Variants in SDR16C5 observed in about 807,000 individuals in gnomAD.
SDR16C5 encodes short chain dehydrogenase/reductase family 16C member 5.
SDR16C5 carries 20 observed loss-of-function variants against 27.7 expected under a neutral mutation model. That is an observed-to-expected ratio of 0.72 (90% CI 0.51 to 1.05). The LOEUF is 1.05. SDR16C5 is among the 50% of genes least tolerant of loss of function. The probability of loss-of-function intolerance (pLI) is 0.00; values close to 1 mark genes in which losing one functional copy is unlikely to be tolerated. For missense variants in SDR16C5, 374 were observed against 366.3 expected, an observed-to-expected ratio of 1.02 and a Z score of -0.17; for synonymous variants, 139 against 132.3, an observed-to-expected ratio of 1.05 and a Z score of -0.35.
chr8:56,316,887 A>G (rs1282205262), intron 1 of SDR16C5, among the ~76,000 whole-genome samples: 2 of 152,200 alleles, frequency 1.3e-5, no homozygotes, highest in Non-Finnish European at 1.5e-5. Context: ...GAAAATGTAA[A>G]GTCCTATTTG....
At chr8:56,312,998 G>A (rs1315550327) in intron 2 of SDR16C5, among the ~76,000 whole-genome samples, 6 of 151,990 alleles carry the variant, frequency 3.9e-5, no homozygotes, top group Non-Finnish European at 7.4e-5. Context: ...GGATGGTCTC[G>A]ATCTCCTGAC....
chr8:56,315,887 A>T (rs1038554794), intron 2 of SDR16C5, 128 bp downstream of exon 2: 2 of 681,436 alleles, frequency 2.9e-6, no homozygotes, highest in African/African-American at 3.6e-5. Context: ...AAAAATCCCA[A>T]TTCCCATTCT....
At position 56,309,009 on chromosome 8, in the gene SDR16C5, G is replaced by A. The variant is rs1264235333; in HGVS notation, c.484C>T (p.Pro162Ser). The change falls in exon 4 of 7, where the codon CCT becomes TCT. Residue 162 changes from proline to serine, a missense_variant. Physicochemically the swap from Pro to Ser is moderately conservative, Grantham distance 74. Transcript: ENST00000303749. ...AHLWTYKAFL[P>S]AMIANDHGHL... ...CCATGGTCATTAGCAATCATAGCAG[G>A]TAGAAAGGCTTTATAAGTCTAAGAA... 1 of 1,609,408 alleles carries A rather than the reference G, an allele frequency of 6.2e-7. No homozygotes were observed. Among genetic ancestry groups the A allele is most frequent in the African/African-American group, 1.3e-5 (1 of 74,830 alleles).
Position 56,308,912 on chromosome 8 carries a change from G to A in SDR16C5, c.565+16C>T. 6.3e-7 allele frequency: 1 copy of A among 1,578,540 alleles called. No individual in the cohort carries two copies. The highest frequency in any genetic ancestry group is 2.2e-5 in the East Asian group (1 of 44,534). On this transcript the variant is annotated intron_variant, in intron 4 of 6. Transcript: ENST00000303749. Reference sequence around the variant, plus strand: ...ATAGGGAATTTTGCAATTGTAAATTGCTATGTTTTTCTTACCTGCCAGCCC... The same window carrying A: ...ATAGGGAATTTTGCAATTGTAAATTACTATGTTTTTCTTACCTGCCAGCCC...
At chr8:56,314,079 C>T (rs767363329) in intron 2 of SDR16C5, among the ~76,000 whole-genome samples, 1 of 152,068 alleles carries the variant, frequency 6.6e-6, no homozygotes, top group Non-Finnish European at 1.5e-5. Flanking sequence ...TGGTAGCGTG[C>T]ACCTGTAGTC....
chr8:56,305,550 A>C, intron 6 of SDR16C5, 47 bp downstream of exon 6: 1 of 1,512,672 alleles, frequency 6.6e-7, no homozygotes, highest in Non-Finnish European at 8.8e-7. Flanking sequence ...TTTGGAGTAA[A>C]CTGTAGACTG....
chr8:56,301,420 C>T lies in SDR16C5; in HGVS notation c.*60G>A, dbSNP rs1427417495. ...ACTGTCAGACAAAAATACTTTTCTTCATTGAAGTACGCATTATGTAACACT... is the reference window on the plus strand; with the variant it reads ...ACTGTCAGACAAAAATACTTTTCTTTATTGAAGTACGCATTATGTAACACT... On this transcript the variant is annotated 3_prime_UTR_variant, in exon 7 of 7. Coordinates refer to ENST00000303749, the MANE Select transcript of SDR16C5 (RefSeq NM_138969.4). The T allele has an allele frequency of 6.5e-5, 76 of 1,172,568 alleles. No homozygotes were observed. Among genetic ancestry groups the T allele is most frequent in the Non-Finnish European group, 5.6e-5 (44 of 780,422 alleles). The allele number at this position is 1,172,568 out of a possible 1,614,324, so 72.6% of individuals were successfully genotyped here. A position where few individuals can be genotyped will look rare whatever the true frequency, so the allele number is the denominator to read the frequency against.
chr8:56,318,526 G>A (rs906171313), intron 1 of SDR16C5, among the ~76,000 whole-genome samples: 1 of 152,056 alleles, frequency 6.6e-6, no homozygotes, highest in Non-Finnish European at 1.5e-5. Flanking sequence ...CGCCAACTTT[G>A]GAAAATCCAC....
At chr8:56,316,499 C>T (rs903906152) in intron 1 of SDR16C5, 138 bp from the exon 2 acceptor site, 1 of 625,242 alleles carries the variant, frequency 1.6e-6, no homozygotes, top group Non-Finnish European at 2.8e-6. Context: ...GTAGCAGACT[C>T]TGTATTCAGA....
intron 4 of SDR16C5, among the ~76,000 whole-genome samples, chr8:56,308,547 T>C (rs1814942084): frequency 6.6e-6 from 1 of 152,216 alleles, no homozygotes; most frequent in Non-Finnish European, 1.5e-5. Context: ...CTCACAGCAG[T>C]GGGGAGACCA....
Position 56,316,315 on chromosome 8 carries a change from C to T in SDR16C5, c.33G>A (p.Leu11=). 1 of 1,613,930 alleles carries T rather than the reference C, an allele frequency of 6.2e-7. No homozygotes were observed. The highest frequency in any genetic ancestry group is 8.5e-7 in the Non-Finnish European group (1 of 1,179,814). Residue 11 remains leucine, a synonymous_variant, in exon 2 of 7, where the codon CTG becomes CTA. Coordinates refer to ENST00000303749, the MANE Select transcript of SDR16C5 (RefSeq NM_138969.4). ...ACAGTGATTTTCCTAAGAAAATGAA[C>T]AGTTTCTTTGATGATTGCAGGTTGA... MSFNLQSSKK[L]FIFLGKSLFS... is the part of the protein sequence containing the mutation.
chr8:56,306,062 G>A (rs1427669098), intron 5 of SDR16C5, among the ~76,000 whole-genome samples: 1 of 152,192 alleles, frequency 6.6e-6, no homozygotes, highest in Non-Finnish European at 1.5e-5. Flanking sequence ...TTGGGCATCT[G>A]TGACTGCTAC....
In SDR16C5 at chr8:56,310,586, C is replaced by T. The variant is rs1474629409; in HGVS notation, c.466-1559G>A. 2.6e-5 allele frequency among the ~76,000 whole-genome samples: 4 copies of T among 151,982 alleles called. No individual in the cohort carries two copies. In the South Asian group the frequency reaches 6.2e-4, roughly 24 times the overall value. ...TACAAAAATTAGCTGGGTGTGGTGGCGTGCGCCCATAGTCCCAGATACCTG... is the reference window on the plus strand; with the variant it reads ...TACAAAAATTAGCTGGGTGTGGTGGTGTGCGCCCATAGTCCCAGATACCTG... On this transcript the variant is annotated intron_variant, in intron 3 of 6. Transcript: ENST00000303749.
At chr8:56,307,465 TGAA>T (rs1163490100) in intron 4 of SDR16C5, among the ~76,000 whole-genome samples, 2 of 152,184 alleles carry the variant, frequency 1.3e-5, no homozygotes, top group African/African-American at 2.4e-5. Flanking sequence ...GTTGACTAAG[TGAA>T]GAAGTTTGGA....
intron 1 of SDR16C5, among the ~76,000 whole-genome samples, chr8:56,317,041 C>T (rs1447921060): frequency 3.3e-5 from 5 of 152,174 alleles, no homozygotes; most frequent in Non-Finnish European, 7.3e-5. Flanking sequence ...GATTAAAGGT[C>T]ACAGGCGAGG....
intron 1 of SDR16C5, among the ~76,000 whole-genome samples, chr8:56,319,120 AT>A (rs1815266267): frequency 1.5e-5 from 1 of 64,886 alleles, no homozygotes; most frequent in Non-Finnish European, 3.0e-5. Flanking sequence ...CTTCGAACAA[AT>A]TAGAAAAAAA....
intron 3 of SDR16C5, among the ~76,000 whole-genome samples, chr8:56,311,684 G>A (rs942661022): frequency 6.6e-6 from 1 of 152,142 alleles, no homozygotes; most frequent in South Asian, 2.1e-4. Context: ...TATAGGTTTT[G>A]GTTTGCCCAT....
chr8:56,301,691 A>T, intron 6 of SDR16C5, 118 bp from the exon 7 acceptor site: 2 of 717,718 alleles, frequency 2.8e-6, no homozygotes, highest in Non-Finnish European at 4.9e-6. Flanking sequence ...TCATGCACAC[A>T]CTATGCAGCC....
chr8:56,302,079 T>A (rs1421449470), intron 6 of SDR16C5, among the ~76,000 whole-genome samples: 2 of 152,166 alleles, frequency 1.3e-5, no homozygotes, highest in African/African-American at 4.8e-5. Flanking sequence ...ACACTGTCCA[T>A]CTTCTCCATC....
Sources: allele counts gnomAD v4.1 joint callset (sites outside exome capture counted in the v4.1 genomes callset), GRCh38; gene constraint gnomAD v4.1.1; transcripts MANE v1.5; gene names NCBI Gene and HGNC (gene_info 2026-07-23, HGNC 2026-07-21).